The following WNT4 variants were observed in gnomAD, a reference collection of about 807,000 sequenced individuals.
WNT4 encodes the protein Wnt family member 4, also known as protein Wnt-4.
WNT4 carries 16 observed loss-of-function variants against 34.5 expected under a neutral mutation model. The observed-to-expected ratio is 0.46, with a 90% CI of 0.31 to 0.70. The LOEUF is 0.70. Ranked by LOEUF, WNT4 falls within the 30% of genes least tolerant of loss-of-function variation. The pLI, the probability that WNT4 is intolerant of heterozygous loss-of-function variation, is 0.04. For missense variants in WNT4, 379 were observed against 495.9 expected (o/e 0.76, Z 2.24); for synonymous variants, 200 against 211.9 (o/e 0.94, Z 0.49).
chr1:22,132,054 C>A (rs1022655914), intron 1 of WNT4, among the ~76,000 whole-genome samples: 4 of 152,232 alleles, frequency 2.6e-5, no homozygotes, highest in African/African-American at 4.8e-5. Context: ...GGAGCCAGTC[C>A]CACCTGTTGC....
At chr1:22,138,287 A>C (rs147542035) in intron 1 of WNT4, among the ~76,000 whole-genome samples, 26 of 151,898 alleles carry the variant, frequency 1.7e-4, no homozygotes, top group African/African-American at 6.0e-4. Context: ...AGTAATCTAC[A>C]CTCCTGTCCT....
At chr1:22,133,781 G>A (rs369379732) in intron 1 of WNT4, among the ~76,000 whole-genome samples, 3 of 152,194 alleles carry the variant, frequency 2.0e-5, no homozygotes, top group Admixed American at 1.3e-4. Flanking sequence ...CTTCTCCAAC[G>A]GGGGCTGCAG....
At chr1:22,121,677 G>A in intron 2 of WNT4, 101 bp from the exon 3 acceptor site, 2 of 1,535,770 alleles carry the variant, frequency 1.3e-6, no homozygotes, top group Non-Finnish European at 1.8e-6. Flanking sequence ...GCTTGCTGGA[G>A]GCCAGGAGGG....
intron 1 of WNT4, among the ~76,000 whole-genome samples, chr1:22,132,820 C>G (rs1465939962): frequency 6.6e-6 from 1 of 152,148 alleles, no homozygotes; most frequent in Non-Finnish European, 1.5e-5. Context: ...CTGTCCCCTT[C>G]CGTACACACG....
At position 22,134,788 on chromosome 1, in the gene WNT4, C is replaced by T. The variant is rs1646009573; in HGVS notation, c.78-4937G>A. Among the ~76,000 whole-genome samples the T allele has an allele frequency of 6.6e-6, 1 of 152,224 alleles. No homozygotes were observed. Among genetic ancestry groups the T allele is most frequent in the South Asian group, 2.1e-4 (1 of 4,832 alleles). ...CCTCCCACAGCCTCTCCCAGTTCCT[C>T]TGGCCACCCCTCTGCTGCACCCCAG... is the stretch of plus-strand genomic sequence containing the variant. On this transcript the variant is annotated intron_variant, in intron 1 of 4. Coordinates refer to ENST00000290167, the MANE Select transcript of WNT4 (RefSeq NM_030761.5). This position sits in a 1 kb window ranked among gnomAD's most constrained non-coding sequence, Gnocchi z 4.1.
In WNT4 at chr1:22,137,410, AG is replaced by A. The variant is rs1646031534; in HGVS notation, c.77+5435del. Among the ~76,000 whole-genome samples the A allele has an allele frequency of 6.6e-6, 1 of 152,188 alleles. No individual in the cohort carries two copies. Among genetic ancestry groups the A allele is most frequent in the African/African-American group, 2.4e-5 (1 of 41,446 alleles). Reference sequence around the variant, plus strand: ...CAGCTGCGCCTGCTCCATGCAGTGAAGGGGTGACTGGAGGGCCCACGGCAGG... The same window carrying A: ...CAGCTGCGCCTGCTCCATGCAGTGAAGGGTGACTGGAGGGCCCACGGCAGG... On this transcript the variant is annotated intron_variant, in intron 1 of 4. Transcript: ENST00000290167. The surrounding 1 kb of genome is among the most constrained non-coding windows in gnomAD (Gnocchi z 5.3).
In WNT4 at chr1:22,120,499, G is replaced by A. The variant is rs756450931; in HGVS notation, c.607C>T (p.Arg203Trp). ...ACCCCGTGGCACTTGCATTCCACCC[G>A]CATGTGTGTCAGGATGGCCTGTGGG... Reference protein sequence around the residue: ...AGRKAILTHMRVECKCHGVSG... With the variant: ...AGRKAILTHMWVECKCHGVSG... Residue 203 changes from arginine (R) to tryptophan (W), a missense_variant, in exon 5 of 5, where the codon CGG (arginine) becomes TGG (tryptophan). Coordinates refer to ENST00000290167, the MANE Select transcript of WNT4 (RefSeq NM_030761.5). 12 of 1,612,554 alleles carry A rather than the reference G, an allele frequency of 7.4e-6. No homozygotes were observed. Among genetic ancestry groups the A allele is most frequent in the Non-Finnish European group, 9.3e-6 (11 of 1,179,634 alleles).
Position 22,129,808 on chromosome 1 carries a change from C to G in WNT4, c.121G>C (p.Glu41Gln). Residue 41 changes from glutamate to glutamine, a missense_variant, in exon 2 of 5, where the codon GAG becomes CAG. Coordinates refer to ENST00000290167, the MANE Select transcript of WNT4 (RefSeq NM_030761.5). ...LSSVGSISEE[E>Q]TCEKLKGLIQ... ...AGGCCCTTGAGTTTCTCGCACGTCT[C>G]CTCCTCTGAGATGCTCCCCACCGAC... The G allele has an allele frequency of 6.2e-7, 1 of 1,614,038 alleles. No individual in the cohort carries two copies. The highest frequency in any genetic ancestry group is 8.5e-7 in the Non-Finnish European group (1 of 1,180,036).
At chr1:22,132,090 G>T (rs1269373986) in intron 1 of WNT4, among the ~76,000 whole-genome samples, 1 of 152,226 alleles carries the variant, frequency 6.6e-6, no homozygotes, top group African/African-American at 2.4e-5. Context: ...GGCGCCAAGA[G>T]CCCGGCTACT....
At chr1:22,122,916 A>C (rs1645912997) in intron 2 of WNT4, among the ~76,000 whole-genome samples, 1 of 151,570 alleles carries the variant, frequency 6.6e-6, no homozygotes, top group African/African-American at 2.4e-5. Flanking sequence ...CCCACCACCC[A>C]CTCTCCACTG....
chr1:22,128,845 C>G (rs969636164), intron 2 of WNT4, among the ~76,000 whole-genome samples: 1 of 152,202 alleles, frequency 6.6e-6, no homozygotes, highest in Admixed American at 6.5e-5. Context: ...TCAGCCTCCC[C>G]AGCAGCTGGG....
chr1:22,141,263 CTTTGTTTTTTGTTTGTTTG>C (rs1332616426), intron 1 of WNT4, among the ~76,000 whole-genome samples: 1 of 152,136 alleles, frequency 6.6e-6, no homozygotes, highest in African/African-American at 2.4e-5. Context: ...ACTTTTTTTT[CTTTGTTTTTTGTTTGTTTG>C]TTTGTTTTTT....
chr1:22,142,385 G>GCGGCGCAGCACGGCGCAGCT lies in WNT4; in HGVS notation c.77+460_77+461insAGCTGCGCCGTGCTGCGCCG, dbSNP rs1553200985. ...GCACGCCTCCAGCCCAGCCCGCAGC[G>GCGGCGCAGCACGGCGCAGCT]CGGCGCAGCTCGGCGCAGCTCGGCG... On this transcript the variant is annotated intron_variant, in intron 1 of 4. Transcript: ENST00000290167. This position sits in a 1 kb window ranked among gnomAD's most constrained non-coding sequence, Gnocchi z 6.0. Among the ~76,000 whole-genome samples the GCGGCGCAGCACGGCGCAGCT allele has an allele frequency of 6.6e-6, 1 of 151,964 alleles. No individual in the cohort carries two copies. Among genetic ancestry groups the GCGGCGCAGCACGGCGCAGCT allele is most frequent in the Non-Finnish European group, 1.5e-5 (1 of 67,944 alleles).
At position 22,129,224 on chromosome 1, in the gene WNT4, C is replaced by T. The variant is rs77448785; in HGVS notation, c.313+392G>A. Among the ~76,000 whole-genome samples the T allele has an allele frequency of 3.0e-3, 458 of 152,266 alleles. 22 individuals are homozygous for T. The East Asian group carries it at 0.076, about 25-fold the overall frequency. On this transcript the variant is annotated intron_variant, in intron 2 of 4. Transcript: ENST00000290167. ...GCAGCGGGCCAGGGGTCCAGAGCCT[C>T]GGGTCTGAGCCCTGACTGCTTCTCT... is the stretch of plus-strand genomic sequence containing the variant.
chr1:22,131,917 G>T (rs571287331), intron 1 of WNT4, among the ~76,000 whole-genome samples: 1 of 152,360 alleles, frequency 6.6e-6, no homozygotes, highest in South Asian at 2.1e-4. Context: ...GCCCCTTGGA[G>T]GGAAGACAAG....
At chr1:22,120,963 G>A (rs138265557) in intron 4 of WNT4, among the ~76,000 whole-genome samples, 62 of 152,216 alleles carry the variant, frequency 4.1e-4, no homozygotes, top group African/African-American at 1.3e-3. Flanking sequence ...GACAGGGATG[G>A]ACACATATAT....
chr1:22,130,097 G>A (rs2124119449), intron 1 of WNT4, among the ~76,000 whole-genome samples: 1 of 152,294 alleles, frequency 6.6e-6, no homozygotes, highest in South Asian at 2.1e-4. Context: ...GGCAGCAGTG[G>A]GAGGGAAGCT....
At position 22,139,549 on chromosome 1, in the gene WNT4, C is replaced by T. The variant is rs367754810; in HGVS notation, c.77+3297G>A. Among the ~76,000 whole-genome samples, 3 of 152,262 alleles carry T rather than the reference C, an allele frequency of 2.0e-5. No individual in the cohort carries two copies. The highest frequency in any genetic ancestry group is 3.9e-4 in the East Asian group (2 of 5,180). On this transcript the variant is annotated intron_variant, in intron 1 of 4. Transcript: ENST00000290167. The surrounding 1 kb of genome is among the most constrained non-coding windows in gnomAD (Gnocchi z 4.6). ...CACCCGTGGGATTCTGCTAGAACCC[C>T]GCTACCCCACTACTTTCCTCAGAAA...
rs1290073748 is a variant in WNT4 at position 22,142,462 on chromosome 1, GC to G, written c.77+383del. ...GATTAACCTGCTATTATGTCCCGGAGCCCTTCCCTGCAATGGGCTTCCTCAG... is the reference window on the plus strand; with the variant it reads ...GATTAACCTGCTATTATGTCCCGGAGCCTTCCCTGCAATGGGCTTCCTCAG... On this transcript the variant is annotated intron_variant, in intron 1 of 4. Transcript: ENST00000290167. The surrounding 1 kb of genome is among the most constrained non-coding windows in gnomAD (Gnocchi z 6.0). 6.6e-6 allele frequency among the ~76,000 whole-genome samples: 1 copy of G among 152,226 alleles called. No homozygotes were observed. Among genetic ancestry groups the G allele is most frequent in the Non-Finnish European group, 1.5e-5 (1 of 68,042 alleles).
Sources: gnomAD v4.1 joint callset for allele counts (sites outside exome capture counted in the v4.1 genomes callset) on GRCh38, gnomAD v4.1.1 for gene constraint, Gnocchi (gnomAD v3.1) non-coding constraint, MANE v1.5 for transcripts, NCBI Gene and HGNC (gene_info 2026-07-23, HGNC 2026-07-21) for gene names.